The following PHF24 variants were observed in gnomAD, a reference collection of about 807,000 sequenced individuals.
PHF24 encodes Galpha inhibitory interacting protein.
Under a neutral mutation model 42.6 loss-of-function variants are expected in PHF24, and 25 were observed. The observed-to-expected ratio is 0.59, with a 90% CI of 0.43 to 0.82. PHF24 has a LOEUF of 0.82. Ranked by LOEUF, PHF24 falls within the 40% of genes least tolerant of loss-of-function variation. The pLI is 0.00. For synonymous variants in PHF24, 185 were observed against 204.8 expected (o/e 0.90, Z 0.83); for missense variants, 470 against 538.1 (o/e 0.87, Z 1.25).
chr9:34,895,657 G>A, the PHF24 span: 1 of 402,774 alleles, frequency 2.5e-6, no homozygotes, highest in Non-Finnish European at 4.4e-6. Context: ...ATGCAATAAT[G>A]CAGATGGATC....
At chr9:34,665,902 C>G in the PHF24 span, 2 of 576,232 alleles carry the variant, frequency 3.5e-6, no homozygotes, top group Non-Finnish European at 6.2e-6. Flanking sequence ...TTTAGGGGGC[C>G]AGGGCGAGAG....
chr9:34,795,995 GA>G, the PHF24 span, among the ~76,000 whole-genome samples: 9 of 142,266 alleles, frequency 6.3e-5, no homozygotes, highest in South Asian at 2.2e-4. Flanking sequence ...GTGAGACCCT[GA>G]AAAAAAAAAG....
the PHF24 span, among the ~76,000 whole-genome samples, chr9:34,831,755 A>G: frequency 6.6e-6 from 1 of 151,900 alleles, no homozygotes; most frequent in South Asian, 2.1e-4. Context: ...TCCATTTTCT[A>G]CTGTCATCTC....
chr9:34,799,392 T>C, the PHF24 span, among the ~76,000 whole-genome samples: 1 of 152,168 alleles, frequency 6.6e-6, no homozygotes, highest in East Asian at 1.9e-4. Context: ...ATTTTGAGGA[T>C]GAAATGAAAT....
At chr9:34,720,337 C>A in the PHF24 span, among the ~76,000 whole-genome samples, 1 of 151,458 alleles carries the variant, frequency 6.6e-6, no homozygotes. Flanking sequence ...CCCAGCTACT[C>A]GGGAGGCTGA....
At chr9:34,963,237 G>A (rs531072003) in intron 1 of PHF24, among the ~76,000 whole-genome samples, 3 of 148,972 alleles carry the variant, frequency 2.0e-5, no homozygotes, top group Non-Finnish European at 3.0e-5. Flanking sequence ...TCAAAGACCC[G>A]CACGAGAACT....
chr9:34,871,991 A>G, the PHF24 span, among the ~76,000 whole-genome samples: 2 of 152,124 alleles, frequency 1.3e-5, no homozygotes, highest in African/African-American at 4.8e-5. Flanking sequence ...TCTTGACAAT[A>G]TTGTCTTCCT....
the PHF24 span, among the ~76,000 whole-genome samples, chr9:34,677,389 GTTTTT>G: frequency 4.5e-3 from 359 of 79,746 alleles, 2 homozygotes; most frequent in African/African-American, 0.019. Context: ...TTTGTAAACT[GTTTTT>G]TTTTTTTTTT....
At chr9:34,678,331 C>CT in the PHF24 span, 455 of 97,808 alleles carry the variant, frequency 4.7e-3, 3 homozygotes, top group African/African-American at 0.013. Context: ...TCCTTCCTTC[C>CT]TTTTTTTTTT....
chr9:34,760,786 G>A, the PHF24 span, among the ~76,000 whole-genome samples: 9 of 152,194 alleles, frequency 5.9e-5, no homozygotes, highest in Non-Finnish European at 1.2e-4. Context: ...CAGCCCAGAA[G>A]GTCAAGACCA....
At chr9:34,922,829 C>T in the PHF24 span, 1 of 1,592,420 alleles carries the variant, frequency 6.3e-7, no homozygotes, top group Admixed American at 1.7e-5. Context: ...AAGCTCCTTG[C>T]TCAGTTACAG....
At chr9:34,672,532 T>C in the PHF24 span, among the ~76,000 whole-genome samples, 1 of 152,152 alleles carries the variant, frequency 6.6e-6, no homozygotes, top group African/African-American at 2.4e-5. Context: ...AGTCCAAGAT[T>C]GAGGGGACAT....
chr9:34,687,339 A>G, the PHF24 span, among the ~76,000 whole-genome samples: 1 of 152,166 alleles, frequency 6.6e-6, no homozygotes, highest in Admixed American at 6.5e-5. Context: ...TGGGGTGTCT[A>G]TGCAAATGCT....
the PHF24 span, among the ~76,000 whole-genome samples, chr9:34,891,421 C>CT: frequency 3.9e-4 from 59 of 152,200 alleles, no homozygotes; most frequent in Non-Finnish European, 2.9e-4. Flanking sequence ...TTACCTTGGC[C>CT]TGAGGAAACA....
chr9:34,712,454 C>T, the PHF24 span, among the ~76,000 whole-genome samples: 2 of 151,872 alleles, frequency 1.3e-5, no homozygotes, highest in African/African-American at 4.8e-5. Context: ...CCCTGAGGCT[C>T]GTTTATTTTT....
the PHF24 span, among the ~76,000 whole-genome samples, chr9:34,841,747 A>G: frequency 1.3e-5 from 2 of 152,058 alleles, no homozygotes; most frequent in Non-Finnish European, 2.9e-5. Context: ...AATCCCAGCT[A>G]CTCCAGAGGC....
At chr9:34,836,964 C>G in the PHF24 span, 101 of 398,928 alleles carry the variant, frequency 2.5e-4, no homozygotes, top group Admixed American at 1.3e-3. Context: ...TGTATGTCTC[C>G]CTCCCAGCCA....
the PHF24 span, among the ~76,000 whole-genome samples, chr9:34,785,620 GA>G: frequency 6.6e-6 from 1 of 152,134 alleles, no homozygotes; most frequent in African/African-American, 2.4e-5. Context: ...ATAGGTACAG[GA>G]AGTAATACAC....
the PHF24 span, among the ~76,000 whole-genome samples, chr9:34,807,133 ACAGCATT>A: frequency 2.0e-5 from 3 of 152,178 alleles, no homozygotes; most frequent in South Asian, 6.2e-4. Flanking sequence ...TCTTAGGGAG[ACAGCATT>A]CAGTCTTTTA....
Sources: allele counts gnomAD v4.1 joint callset (sites outside exome capture counted in the v4.1 genomes callset), GRCh38; gene constraint gnomAD v4.1.1; transcripts MANE v1.5; gene names NCBI Gene and HGNC (gene_info 2026-07-23, HGNC 2026-07-21).